Variants in BTRC observed in about 807,000 individuals in gnomAD.
BTRC encodes the protein F-box/WD repeat-containing protein 1A.
A neutral mutation model predicts 85.5 loss-of-function variants in BTRC; 42 were observed. The ratio of observed to expected loss-of-function variants is 0.49; its 90% confidence interval spans 0.38 to 0.64. The LOEUF (loss-of-function observed/expected upper bound fraction) is 0.64. BTRC is among the 30% of genes least tolerant of loss of function. BTRC has a pLI of 0.00. For missense variants in BTRC, 594 were observed against 743.5 expected (o/e 0.80, Z 2.34); for synonymous variants, 255 against 263.3 (o/e 0.97, Z 0.30).
rs566646716 is a variant in BTRC at position 101,427,316 on chromosome 10, C to T, written c.49-3029C>T. ...TATTTTTAGTAGAGATGGGGTTTCA[C>T]CGTGTTGGCCAGGATGGTCTTGATC... On this transcript the variant is annotated intron_variant, in intron 1 of 14. Transcript: ENST00000370187. Among the ~76,000 whole-genome samples, 13 of 151,908 alleles carry T rather than the reference C, an allele frequency of 8.6e-5. No homozygotes were observed. In the South Asian group the frequency reaches 2.7e-3, roughly 32 times the overall value.
chr10:101,426,748 A>C (rs1215267644), intron 1 of BTRC, among the ~76,000 whole-genome samples: 1 of 152,176 alleles, frequency 6.6e-6, no homozygotes, highest in Non-Finnish European at 1.5e-5. Context: ...AAATATGTAT[A>C]TTTTAATTTT....
chr10:101,537,484 C>T (rs546824637), intron 12 of BTRC, among the ~76,000 whole-genome samples: 8 of 152,168 alleles, frequency 5.3e-5, no homozygotes, highest in Non-Finnish European at 1.0e-4. Context: ...GCCAAGATTG[C>T]GCCACCACAC....
intron 1 of BTRC, among the ~76,000 whole-genome samples, chr10:101,410,949 T>A (rs1048250512): frequency 6.6e-6 from 1 of 152,018 alleles, no homozygotes; most frequent in African/African-American, 2.4e-5. Context: ...TTTAAAAAAA[T>A]TTTAAATGAA....
At chr10:101,537,396 C>G (rs922803442) in intron 12 of BTRC, among the ~76,000 whole-genome samples, 1 of 152,082 alleles carries the variant, frequency 6.6e-6, no homozygotes, top group Non-Finnish European at 1.5e-5. Context: ...GGTGTGGTTG[C>G]GGGCGCCTGT....
intron 1 of BTRC, among the ~76,000 whole-genome samples, chr10:101,371,420 G>A (rs990658623): frequency 1.1e-4 from 16 of 152,066 alleles, no homozygotes; most frequent in South Asian, 2.1e-4. Flanking sequence ...CAGGTGATCC[G>A]CCCGCCTCGG....
intron 4 of BTRC, among the ~76,000 whole-genome samples, chr10:101,499,853 G>C (rs1317074920): frequency 6.6e-6 from 1 of 151,734 alleles, no homozygotes; most frequent in Admixed American, 6.6e-5. Flanking sequence ...CTCAGTGCTT[G>C]TCCATATTCA....
Position 101,553,480 on chromosome 10 carries a change from T to A in BTRC, c.*357T>A, listed in dbSNP as rs1485813886. 1 of 152,678 alleles carries A rather than the reference T, an allele frequency of 6.5e-6. No homozygotes were observed. The highest frequency in any genetic ancestry group is 1.5e-5 in the Non-Finnish European group (1 of 68,052). The allele number at this position is 152,678 out of a possible 1,614,324, so 9.5% of individuals were successfully genotyped here. A position where few individuals can be genotyped will look rare whatever the true frequency, so the allele number is the denominator to read the frequency against. ...TGACTTATAAATATATTTAGTGTTT[T>A]GCCAGAATCTCTCTTGCTTTGCCAT... is the stretch of plus-strand genomic sequence containing the variant. On this transcript the variant is annotated 3_prime_UTR_variant, in exon 15 of 15. Transcript: ENST00000370187.
chr10:101,413,205 A>T (rs1943830714), intron 1 of BTRC, among the ~76,000 whole-genome samples: 1 of 148,720 alleles, frequency 6.7e-6, no homozygotes. Flanking sequence ...GCTCACTGCA[A>T]CCTCTGCCTC....
intron 4 of BTRC, among the ~76,000 whole-genome samples, chr10:101,513,551 G>T (rs1317783682): frequency 1.3e-5 from 2 of 152,034 alleles, no homozygotes; most frequent in Non-Finnish European, 2.9e-5. Flanking sequence ...ATTTGTACCT[G>T]GCTTCTTTGA....
At chr10:101,455,006 G>A (rs1027303588) in intron 2 of BTRC, among the ~76,000 whole-genome samples, 4 of 151,556 alleles carry the variant, frequency 2.6e-5, no homozygotes, top group East Asian at 1.9e-4. Flanking sequence ...AGACCATTAC[G>A]ACAGTAGCAG....
intron 12 of BTRC, among the ~76,000 whole-genome samples, chr10:101,538,073 A>G (rs2062413270): frequency 6.6e-6 from 1 of 152,160 alleles, no homozygotes; most frequent in Non-Finnish European, 1.5e-5. Flanking sequence ...TAAAAGGTCT[A>G]ATGTACAAGA....
intron 1 of BTRC, among the ~76,000 whole-genome samples, chr10:101,374,661 T>C (rs1158035782): frequency 2.8e-5 from 4 of 140,846 alleles, no homozygotes; most frequent in African/African-American, 5.3e-5. Context: ...AGGGATAGCA[T>C]TGGGAGATAT....
chr10:101,449,362 T>C (rs1298562590), intron 2 of BTRC, among the ~76,000 whole-genome samples: 2 of 152,058 alleles, frequency 1.3e-5, no homozygotes, highest in Non-Finnish European at 2.9e-5. Flanking sequence ...TCCTAAGGGT[T>C]CTATAGTTCT....
At chr10:101,359,880 G>A (rs1292547482) in intron 1 of BTRC, among the ~76,000 whole-genome samples, 1 of 151,982 alleles carries the variant, frequency 6.6e-6, no homozygotes, top group Admixed American at 6.6e-5. Context: ...GATTACAGGC[G>A]TGAGCTGCCG....
intron 1 of BTRC, among the ~76,000 whole-genome samples, chr10:101,429,841 G>A (rs963748659): frequency 6.7e-6 from 1 of 148,672 alleles, no homozygotes; most frequent in Non-Finnish European, 1.5e-5. Flanking sequence ...AAGCCGTAGG[G>A]ATACAATACT....
At chr10:101,367,018 T>TTTTATA (rs1942470219) in intron 1 of BTRC, among the ~76,000 whole-genome samples, 1 of 64,826 alleles carries the variant, frequency 1.5e-5, no homozygotes. Flanking sequence ...ATATATATAT[T>TTTTATA]TATATTTATA....
intron 4 of BTRC, among the ~76,000 whole-genome samples, chr10:101,508,873 C>T (rs1339606956): frequency 1.4e-5 from 2 of 138,704 alleles, no homozygotes; most frequent in African/African-American, 5.2e-5. Flanking sequence ...AAGATTGTGC[C>T]ACTGCACTCC....
At chr10:101,407,648 C>T (rs1247324592) in intron 1 of BTRC, among the ~76,000 whole-genome samples, 3 of 152,066 alleles carry the variant, frequency 2.0e-5, no homozygotes, top group East Asian at 3.9e-4. Context: ...ACCTTGGCCT[C>T]CCAAAGTGCA....
At chr10:101,458,395 G>A (rs1945134841) in intron 2 of BTRC, among the ~76,000 whole-genome samples, 1 of 152,202 alleles carries the variant, frequency 6.6e-6, no homozygotes, top group Non-Finnish European at 1.5e-5. Flanking sequence ...AATTTTGGGA[G>A]TGGTGGAATT....
Sources: gnomAD v4.1 joint callset for allele counts (sites outside exome capture counted in the v4.1 genomes callset) on GRCh38, gnomAD v4.1.1 for gene constraint, MANE v1.5 for transcripts, NCBI Gene and HGNC (gene_info 2026-07-23, HGNC 2026-07-21) for gene names.